Variants in ZNF148 observed in about 807,000 individuals in gnomAD.
The protein encoded by ZNF148 is Beta-Enolase Repressor Factor-1.
In ZNF148, 7 loss-of-function variants were observed where a neutral mutation model predicts 67.7. The observed-to-expected ratio is 0.10, with a 90% CI of 0.06 to 0.19. ZNF148 has a LOEUF of 0.19. Among genes scored for constraint, ZNF148 ranks in the 10% least tolerant of loss-of-function variants. The pLI, the probability that ZNF148 is intolerant of heterozygous loss-of-function variation, is 1.00. For missense variants in ZNF148, 583 were observed against 947.1 expected (o/e 0.62, Z 5.05); for synonymous variants, 333 against 330.7 (o/e 1.01, Z -0.08).
At chr3:125,324,149 T>C (rs949670330) in intron 2 of ZNF148, among the ~76,000 whole-genome samples, 5 of 151,844 alleles carry the variant, frequency 3.3e-5, no homozygotes, top group Admixed American at 3.3e-4. Flanking sequence ...ACCTGCACAT[T>C]GTGCACATGT....
intron 7 of ZNF148, among the ~76,000 whole-genome samples, chr3:125,249,718 A>C (rs1422481845): frequency 6.6e-6 from 1 of 152,240 alleles, no homozygotes; most frequent in East Asian, 1.9e-4. Flanking sequence ...TTAAAGAGAT[A>C]TCTGAACATT....
chr3:125,296,788 T>A (rs1043631582), intron 4 of ZNF148, among the ~76,000 whole-genome samples: 1 of 152,172 alleles, frequency 6.6e-6, no homozygotes, highest in Admixed American at 6.5e-5. Flanking sequence ...TATGGCATTA[T>A]ACAAATATTA....
chr3:125,279,415 T>C (rs1311511419), intron 5 of ZNF148, among the ~76,000 whole-genome samples, 168 bp from the exon 6 acceptor site: 5 of 152,150 alleles, frequency 3.3e-5, no homozygotes, highest in Admixed American at 6.5e-5. Flanking sequence ...TCATTAACTG[T>C]AGGAAAGTAC....
intron 7 of ZNF148, among the ~76,000 whole-genome samples, chr3:125,267,075 G>GAA (rs35531442): frequency 1.8e-4 from 19 of 105,248 alleles, no homozygotes; most frequent in Admixed American, 4.8e-4. Context: ...AACCAGGAAA[G>GAA]AAAAAAAAAA....
Position 125,277,893 on chromosome 3 carries a change from A to C in ZNF148, c.584-84T>G, listed in dbSNP as rs571045397. ...CTGTTTCTGAGGAAAGAAAAATCTTAGATGCCCAAATTTTGGAAAATTACA... is the reference window on the plus strand; with the variant it reads ...CTGTTTCTGAGGAAAGAAAAATCTTCGATGCCCAAATTTTGGAAAATTACA... On this transcript the variant is annotated intron_variant, in intron 6 of 8. Coordinates refer to ENST00000360647, the MANE Select transcript of ZNF148 (RefSeq NM_021964.3). 2.6e-6 allele frequency: 3 copies of C among 1,141,614 alleles called. No individual in the cohort carries two copies. In the East Asian group the frequency reaches 8.3e-5, roughly 32 times the overall value. 70.7% of individuals were successfully genotyped at this position (1,141,614 alleles called of 1,614,324 possible).
rs1472906465 is a variant in ZNF148 at position 125,266,256 on chromosome 3, A to AT, written c.667+11469_667+11470insA. ...AGCTCTACAGTATACTCTACCCAACAACCATAGAAAATACATTTTTCTCAT... is the reference window on the plus strand; with the variant it reads ...AGCTCTACAGTATACTCTACCCAACATACCATAGAAAATACATTTTTCTCAT... On this transcript the variant is annotated intron_variant, in intron 7 of 8. Coordinates refer to ENST00000360647, the MANE Select transcript of ZNF148 (RefSeq NM_021964.3). Among the ~76,000 whole-genome samples the AT allele has an allele frequency of 1.4e-4, 21 of 151,992 alleles. No individual in the cohort carries two copies. The Middle Eastern group carries it at 0.01, about 74-fold the overall frequency.
chr3:125,231,122 T>G lies in ZNF148; in HGVS notation c.*1219A>C, dbSNP rs970211881. On this transcript the variant is annotated 3_prime_UTR_variant, in exon 9 of 9. Coordinates refer to ENST00000360647, the MANE Select transcript of ZNF148 (RefSeq NM_021964.3). The stretch of plus-strand genomic sequence containing the variant: ...AGTTACTGGAATTAGTAAACACTTT[T>G]GGTTTGTAAAGTTGTAATGAGCAGT... The G allele has an allele frequency of 1.3e-5, 2 of 152,560 alleles. No individual in the cohort carries two copies. Among genetic ancestry groups the G allele is most frequent in the African/African-American group, 4.8e-5 (2 of 41,464 alleles). 9.5% of individuals were successfully genotyped at this position (152,560 alleles called of 1,614,324 possible). A position where few individuals can be genotyped will look rare whatever the true frequency, so the allele number is the denominator to read the frequency against.
At chr3:125,319,799 G>C (rs1164873064) in intron 3 of ZNF148, among the ~76,000 whole-genome samples, 1 of 152,068 alleles carries the variant, frequency 6.6e-6, no homozygotes, top group African/African-American at 2.4e-5. Flanking sequence ...AAGTAAACTG[G>C]GATTTCAAAC....
At chr3:125,234,955 T>C (rs1936018880) in intron 7 of ZNF148, among the ~76,000 whole-genome samples, 5 of 152,146 alleles carry the variant, frequency 3.3e-5, no homozygotes, top group Admixed American at 3.3e-4. Context: ...GAAAATCCCC[T>C]AATGACTCCT....
intron 7 of ZNF148, among the ~76,000 whole-genome samples, chr3:125,248,012 G>A (rs1579612564): frequency 1.3e-5 from 2 of 152,008 alleles, no homozygotes; most frequent in South Asian, 2.1e-4. Context: ...TTATACACTC[G>A]GTACACAACT....
chr3:125,361,387 C>T (rs1042509058), intron 1 of ZNF148, among the ~76,000 whole-genome samples: 3 of 152,114 alleles, frequency 2.0e-5, no homozygotes, highest in African/African-American at 7.2e-5. Context: ...TACCCAATAA[C>T]TTCAATTCTG....
rs1941274513 is a variant in ZNF148, at chr3:125,331,162, A to G, written c.-157T>C. 1 of 398,468 alleles carries G rather than the reference A, an allele frequency of 2.5e-6. No homozygotes were observed. The highest frequency in any genetic ancestry group is 4.4e-6 in the Non-Finnish European group (1 of 226,054). 24.7% of individuals were successfully genotyped at this position (398,468 alleles called of 1,614,324 possible). A position where few individuals can be genotyped will look rare whatever the true frequency, so the allele number is the denominator to read the frequency against. Reference sequence around the variant, plus strand: ...ACTCAAAGAATGCTGAATTACCTCCATTAAATACGTTAGGCAAACGCCCAT... The same window carrying G: ...ACTCAAAGAATGCTGAATTACCTCCGTTAAATACGTTAGGCAAACGCCCAT... On this transcript the variant is annotated 5_prime_UTR_variant, in exon 2 of 9. The change abolishes an upstream ATG in the 5' untranslated region. Transcript: ENST00000360647.
chr3:125,371,861 G>A (rs770027421), intron 1 of ZNF148, among the ~76,000 whole-genome samples: 1 of 151,602 alleles, frequency 6.6e-6, no homozygotes, highest in African/African-American at 2.4e-5. Flanking sequence ...TCAGGAGATC[G>A]AGATCATCCT....
chr3:125,361,134 C>T (rs1318429643), intron 1 of ZNF148, among the ~76,000 whole-genome samples: 1 of 152,118 alleles, frequency 6.6e-6, no homozygotes. Flanking sequence ...TCAACTCTTG[C>T]CCAATTATTG....
chr3:125,294,485 A>G (rs1445668344), intron 4 of ZNF148, among the ~76,000 whole-genome samples: 1 of 152,222 alleles, frequency 6.6e-6, no homozygotes, highest in East Asian at 1.9e-4. Flanking sequence ...CTTTAAGTAT[A>G]AAATTATTTC....
intron 3 of ZNF148, among the ~76,000 whole-genome samples, chr3:125,317,309 G>T (rs1481013363): frequency 2.0e-5 from 3 of 152,084 alleles, no homozygotes; most frequent in Non-Finnish European, 2.9e-5. Context: ...TTTAAAATGA[G>T]CTTTGGAAAT....
At chr3:125,293,622 C>T (rs201961909) in intron 4 of ZNF148, among the ~76,000 whole-genome samples, 2 of 152,126 alleles carry the variant, frequency 1.3e-5, no homozygotes, top group East Asian at 1.9e-4. Flanking sequence ...GAAAGAGCTC[C>T]TAATGACCAA....
Position 125,273,499 on chromosome 3 carries a change from C to CT in ZNF148, c.667+4226dup, listed in dbSNP as rs397690643. ...AATCTCTTTTTTTTGGGAAGAGAATCTTTTTTTTTTTTTTGAGACGGAGTC... is the reference window on the plus strand; with the variant it reads ...AATCTCTTTTTTTTGGGAAGAGAATCTTTTTTTTTTTTTTTGAGACGGAGTC... On this transcript the variant is annotated intron_variant, in intron 7 of 8. Coordinates refer to ENST00000360647, the MANE Select transcript of ZNF148 (RefSeq NM_021964.3). Among the ~76,000 whole-genome samples the CT allele has an allele frequency of 1.9e-3, 277 of 142,320 alleles. 4 individuals are homozygous for CT. Among genetic ancestry groups the CT allele is most frequent in the South Asian group, 9.7e-3 (44 of 4,518 alleles). 93.4% of individuals were successfully genotyped at this position (142,320 alleles called of 152,430 possible).
chr3:125,341,652 A>C (rs1941728805), intron 1 of ZNF148, among the ~76,000 whole-genome samples: 1 of 152,184 alleles, frequency 6.6e-6, no homozygotes. Flanking sequence ...AAAGAAAAAA[A>C]TTAAGACAAC....
Sources: allele counts gnomAD v4.1 joint callset (sites outside exome capture counted in the v4.1 genomes callset), GRCh38; gene constraint gnomAD v4.1.1; transcripts MANE v1.5; gene names NCBI Gene and HGNC (gene_info 2026-07-23, HGNC 2026-07-21).